RECQL: variants seen among roughly 807,000 people sequenced by gnomAD.
RECQL encodes RecQ like helicase, also known as ATP-dependent DNA helicase Q1.
Under a neutral mutation model 75.8 loss-of-function variants are expected in RECQL, and 73 were observed. The observed-to-expected ratio is 0.96, with a 90% CI of 0.80 to 1.17. The LOEUF (loss-of-function observed/expected upper bound fraction) is 1.17. Among genes scored for constraint, RECQL ranks in the 50% most tolerant of loss-of-function variants. RECQL has a pLI of 0.00. For missense variants in RECQL, 699 were observed against 772.1 expected, an observed-to-expected ratio of 0.91 and a Z score of 1.12; for synonymous variants, 248 against 254.4, an observed-to-expected ratio of 0.97 and a Z score of 0.24.
At chr12:21,483,815 C>T (rs1943239773) in intron 5 of RECQL, among the ~76,000 whole-genome samples, 1 of 152,050 alleles carries the variant, frequency 6.6e-6, no homozygotes, top group South Asian at 2.1e-4. Flanking sequence ...AAAAAACTCA[C>T]TTGACAAAAA....
rs200503064 is a variant in RECQL at position 21,485,548 on chromosome 12, T to TA, written c.501+930_501+931insT. The stretch of plus-strand genomic sequence containing the variant: ...AATATTATCTGGGCTATATTTTTTT[T>TA]TAAAAAAAACATAAAAATGAGATAG... On this transcript the variant is annotated intron_variant, in intron 5 of 14. Transcript: ENST00000444129. 9.7e-3 allele frequency among the ~76,000 whole-genome samples: 1,470 copies of TA among 151,360 alleles called. 19 individuals carry two copies. Among genetic ancestry groups the TA allele is most frequent in the Middle Eastern group, 0.037 (11 of 294 alleles).
rs557749011 is a variant in RECQL at position 21,470,350 on chromosome 12, C to A, written c.1798-4G>T. On this transcript the variant is annotated splice_region_variant and splice_polypyrimidine_tract_variant and intron_variant, in intron 14 of 14. Transcript: ENST00000444129. The stretch of plus-strand genomic sequence containing the variant: ...GACAAGTTTGAGACGATTCAGCCTA[C>A]AAAAAAAAAAAAAAAACAAAGCAAG... 14,314 of 1,251,064 alleles carry A rather than the reference C, an allele frequency of 0.011. 44 individuals carry two copies. The highest frequency in any genetic ancestry group is 0.053 in the South Asian group (2,352 of 44,792). The allele number at this position is 1,251,064 out of a possible 1,614,324, so 77.5% of individuals were successfully genotyped here.
At position 21,469,964 on chromosome 12, in the gene RECQL, T is replaced by C; in HGVS notation, c.*230A>G. On this transcript the variant is annotated 3_prime_UTR_variant, in exon 15 of 15. Coordinates refer to ENST00000444129, the MANE Select transcript of RECQL (RefSeq NM_002907.4). ...TCTCAAATATTTTACATTTAAAGGG[T>C]TTTACATAAAAATTTTTCCCTTGTT... 1 of 465,932 alleles carries C rather than the reference T, an allele frequency of 2.1e-6. No individual in the cohort carries two copies. The highest frequency in any genetic ancestry group is 4.5e-5 in the East Asian group (1 of 22,450). 28.9% of individuals were successfully genotyped at this position (465,932 alleles called of 1,614,324 possible). A position where few individuals can be genotyped will look rare whatever the true frequency, so the allele number is the denominator to read the frequency against.
Position 21,473,639 on chromosome 12 carries a change from A to G in RECQL, c.1359T>C (p.Cys453=). ...MVSYCQNISK[C]RRVLMAQHFD... ...AATGTTGAGCCATCAACACACGACG[A>G]CATCTGCAAACACATTTAAAGATAC... is the stretch of plus-strand genomic sequence containing the variant. The change falls in exon 12 of 15, where the codon TGT becomes TGC. Residue 453 remains cysteine (C), a synonymous_variant. Transcript: ENST00000444129. 6.2e-7 allele frequency: 1 copy of G among 1,611,618 alleles called. No individual in the cohort carries two copies. The highest frequency in any genetic ancestry group is 1.1e-5 in the South Asian group (1 of 91,000).
chr12:21,478,846 G>A (rs1180957030), intron 6 of RECQL, among the ~76,000 whole-genome samples: 2 of 152,196 alleles, frequency 1.3e-5, no homozygotes, highest in Admixed American at 6.5e-5. Flanking sequence ...ATGATGGACA[G>A]ATGCAGAAGT....
chr12:21,492,290 A>T (rs1198538154), intron 2 of RECQL, among the ~76,000 whole-genome samples: 1 of 152,216 alleles, frequency 6.6e-6, no homozygotes. Context: ...TTGGCATTTT[A>T]TCTCCTTTGT....
intron 2 of RECQL, among the ~76,000 whole-genome samples, chr12:21,492,594 G>C (rs1943434558): frequency 6.6e-6 from 1 of 152,176 alleles, no homozygotes; most frequent in Admixed American, 6.5e-5. Context: ...GGTTAGGTTT[G>C]GCCACAAGTG....
chr12:21,493,449 A>G (rs548059369), intron 2 of RECQL, among the ~76,000 whole-genome samples: 1 of 152,054 alleles, frequency 6.6e-6, no homozygotes, highest in Non-Finnish European at 1.5e-5. Context: ...AAGGGACCTC[A>G]AAGTTTCTAT....
chr12:21,477,100 T>C, intron 7 of RECQL, 108 bp from the exon 8 acceptor site: 1 of 666,218 alleles, frequency 1.5e-6, no homozygotes, highest in Non-Finnish European at 2.4e-6. Flanking sequence ...GTGTTTTTTT[T>C]CCTATTACTC....
chr12:21,477,657 A>C (rs536688882), intron 7 of RECQL, 146 bp downstream of exon 7: 2 of 550,426 alleles, frequency 3.6e-6, no homozygotes, highest in East Asian at 3.1e-5. Flanking sequence ...ATGAAGCCCT[A>C]ATCACAGAAT....
intron 4 of RECQL, among the ~76,000 whole-genome samples, chr12:21,488,244 C>T (rs1452204732): frequency 6.6e-6 from 1 of 152,176 alleles, no homozygotes; most frequent in Non-Finnish European, 1.5e-5. Context: ...ATTAACTACT[C>T]CCTCATTCAA....
chr12:21,478,826 C>G (rs1161898670), intron 6 of RECQL, among the ~76,000 whole-genome samples: 1 of 152,192 alleles, frequency 6.6e-6, no homozygotes, highest in Non-Finnish European at 1.5e-5. Context: ...GGTCTTTACA[C>G]GCAGAGAGGA....
chr12:21,475,786 C>G lies in RECQL; in HGVS notation c.988G>C (p.Val330Leu). 7 of 1,613,188 alleles carry G rather than the reference C, an allele frequency of 4.3e-6. No individual in the cohort carries two copies. Among genetic ancestry groups the G allele is most frequent in the Non-Finnish European group, 5.9e-6 (7 of 1,179,358 alleles). ...YCFSQKDSEQ[V>L]TVSLQNLGIH... is the part of the protein sequence containing the mutation. ...CCCAGATTCTGCAAACTAACCGTAACTTGTTCAGAGTCTTTCTGAGAAAAA... is the reference window on the plus strand; with the variant it reads ...CCCAGATTCTGCAAACTAACCGTAAGTTGTTCAGAGTCTTTCTGAGAAAAA... Residue 330 changes from valine to leucine, a missense_variant, in exon 9 of 15, where the codon GTT (valine) becomes CTT (leucine). Val to Leu is a conservative substitution (Grantham distance 32). Around this residue, in one of 2 missense-constraint regions of RECQL, gnomAD observed 669 missense variants for 713.5 expected, o/e 0.94. Coordinates refer to ENST00000444129, the MANE Select transcript of RECQL (RefSeq NM_002907.4).
intron 6 of RECQL, among the ~76,000 whole-genome samples, chr12:21,480,634 T>C (rs1196828791): frequency 6.6e-6 from 1 of 152,182 alleles, no homozygotes; most frequent in Non-Finnish European, 1.5e-5. Context: ...GAAGACACCA[T>C]GGCTGCTTCC....
At chr12:21,498,435 G>A (rs1943547757) in intron 2 of RECQL, among the ~76,000 whole-genome samples, 1 of 152,148 alleles carries the variant, frequency 6.6e-6, no homozygotes, top group Non-Finnish European at 1.5e-5. Context: ...TCGGACTCTT[G>A]CTGGCCTAGA....
In RECQL at chr12:21,469,050, T is replaced by C; in HGVS notation, c.*1144A>G. The stretch of plus-strand genomic sequence containing the variant: ...ACTTGTGATTTAGCTTTGGAGCAAA[T>C]TTAGGTAAGTTATCTACTTAGCCAA... On this transcript the variant is annotated 3_prime_UTR_variant, in exon 15 of 15. Coordinates refer to ENST00000444129, the MANE Select transcript of RECQL (RefSeq NM_002907.4). 3.7e-6 allele frequency: 1 copy of C among 269,002 alleles called. No homozygotes were observed. Among genetic ancestry groups the C allele is most frequent in the Non-Finnish European group, 7.2e-6 (1 of 139,552 alleles). 16.7% of individuals were successfully genotyped at this position (269,002 alleles called of 1,614,324 possible). A position where few individuals can be genotyped will look rare whatever the true frequency, so the allele number is the denominator to read the frequency against.
At chr12:21,499,431 A>G in intron 2 of RECQL, 124 bp downstream of exon 2, 1 of 858,504 alleles carries the variant, frequency 1.2e-6, no homozygotes, top group Non-Finnish European at 1.8e-6. Flanking sequence ...TGTGTATTTT[A>G]CTTCAATAAA....
At position 21,486,656 on chromosome 12, in the gene RECQL, C is replaced by CCTTTTTTTTTTTTTTTTTTTTTTTTTTT. The variant is rs1565571187; in HGVS notation, c.395-72_395-71insAAAAAAAAAAAAAAAAAAAAAAAAAAAG. The CCTTTTTTTTTTTTTTTTTTTTTTTTTTT allele has an allele frequency of 7.1e-5, 10 of 141,734 alleles. 5 individuals are homozygous for CCTTTTTTTTTTTTTTTTTTTTTTTTTTT. The highest frequency in any genetic ancestry group is 1.4e-4 in the African/African-American group (2 of 14,764). The allele number at this position is 141,734 out of a possible 1,614,324, so 8.8% of individuals were successfully genotyped here. A position where few individuals can be genotyped will look rare whatever the true frequency, so the allele number is the denominator to read the frequency against. On this transcript the variant is annotated intron_variant, in intron 4 of 14. Transcript: ENST00000444129. ...CTCAGAATCAGATGCAAACCATTCA[C>CCTTTTTTTTTTTTTTTTTTTTTTTTTTT]GTTTTTTTTTTTTTTTTTTTTTTTT... is the stretch of plus-strand genomic sequence containing the variant.
At position 21,477,942 on chromosome 12, in the gene RECQL, C is replaced by T. The variant is rs2137351160; in HGVS notation, c.728G>A (p.Arg243Gln). The T allele has an allele frequency of 4.3e-6, 7 of 1,610,690 alleles. No homozygotes were observed. Among genetic ancestry groups the T allele is most frequent in the South Asian group, 1.1e-5 (1 of 89,908 alleles). Residue 243 changes from arginine (R) to glutamine (Q), a missense_variant, in exon 7 of 15, where the codon CGG becomes CAG. Around this residue, in one of 2 missense-constraint regions of RECQL, gnomAD observed 669 missense variants for 713.5 expected, o/e 0.94. Coordinates refer to ENST00000444129, the MANE Select transcript of RECQL (RefSeq NM_002907.4). ...AATTAGTGATGCGTTAGGGAACTGC[C>T]GCTTTAAGATACCAAGTGCCTTATA... ...PDYKALGILK[R>Q]QFPNASLIGL...
Sources: allele counts gnomAD v4.1 joint callset (sites outside exome capture counted in the v4.1 genomes callset), GRCh38; gene constraint gnomAD v4.1.1; regional missense constraint gnomAD v4.1.1; transcripts MANE v1.5; gene names NCBI Gene and HGNC (gene_info 2026-07-23, HGNC 2026-07-21).